The following BCAS3 variants were observed in gnomAD, a reference collection of about 807,000 sequenced individuals.
BCAS3 encodes BCAS4/BCAS3 fusion.
In BCAS3, 53 loss-of-function variants were observed where a neutral mutation model predicts 116.1. The observed-to-expected ratio is 0.46, with a 90% CI of 0.37 to 0.57. The LOEUF (loss-of-function observed/expected upper bound fraction) is 0.57, where lower values mean the gene tolerates loss of function less well. Among genes scored for constraint, BCAS3 ranks in the 20% least tolerant of loss-of-function variants. The pLI, the probability that BCAS3 is intolerant of heterozygous loss-of-function variation, is 0.00. For synonymous variants in BCAS3, 391 were observed against 408.2 expected (o/e 0.96, Z 0.51); for missense variants, 917 against 1,165.4 (o/e 0.79, Z 3.10).
rs746915596 is a variant in BCAS3 at position 61,126,269 on chromosome 17, A to G, written c.2425+41705A>G. Reference sequence around the variant, plus strand: ...TGGCATGTGGGTACATCAGAAGTATATTTGCAAATTCTGAATTTACATATC... The same window carrying G: ...TGGCATGTGGGTACATCAGAAGTATGTTTGCAAATTCTGAATTTACATATC... On this transcript the variant is annotated intron_variant, in intron 22 of 23. Transcript: ENST00000407086. The surrounding 1 kb of genome is among the most constrained non-coding windows in gnomAD (Gnocchi z 4.6). Among the ~76,000 whole-genome samples, 10 of 152,140 alleles carry G rather than the reference A, an allele frequency of 6.6e-5. No individual in the cohort carries two copies. The highest frequency in any genetic ancestry group is 1.2e-4 in the African/African-American group (5 of 41,442).
At position 61,204,596 on chromosome 17, in the gene BCAS3, TATTTCTAGAATATA is replaced by T. The variant is rs2081022503; in HGVS notation, c.2425+120036_2425+120049del. ...CAGAATTTATAGCCCCTTTATTAAA[TATTTCTAGAATATA>T]ATTGCCTCTGAAAACACAGTACCAG... is the stretch of plus-strand genomic sequence containing the variant. On this transcript the variant is annotated intron_variant, in intron 22 of 23. Coordinates refer to ENST00000407086, the MANE Select transcript of BCAS3 (RefSeq NM_017679.5). This position sits in a 1 kb window ranked among gnomAD's most constrained non-coding sequence, Gnocchi z 4.2. 6.6e-6 allele frequency among the ~76,000 whole-genome samples: 1 copy of T among 152,238 alleles called. No homozygotes were observed. Among genetic ancestry groups the T allele is most frequent in the African/African-American group, 2.4e-5 (1 of 41,468 alleles).
chr17:60,729,501 C>T (rs575596872), intron 5 of BCAS3, among the ~76,000 whole-genome samples: 1 of 152,034 alleles, frequency 6.6e-6, no homozygotes, highest in South Asian at 2.1e-4. Flanking sequence ...AGTTGTTCCA[C>T]TCACTGCTTA....
Position 61,035,974 on chromosome 17 carries a change from G to A in BCAS3, c.1762+1184G>A, listed in dbSNP as rs142606200. On this transcript the variant is annotated intron_variant, in intron 17 of 23. Coordinates refer to ENST00000407086, the MANE Select transcript of BCAS3 (RefSeq NM_017679.5). ...CGTTTAATATTTTTGGACTGCAGTT[G>A]ACCATGGGTAACTGAACTCGCACCT... Among the ~76,000 whole-genome samples, 33 of 152,248 alleles carry A rather than the reference G, an allele frequency of 2.2e-4. No homozygotes were observed. In the East Asian group the frequency reaches 6.0e-3, roughly 28 times the overall value.
At chr17:60,946,071 G>T (rs2060476869) in intron 13 of BCAS3, among the ~76,000 whole-genome samples, 1 of 151,636 alleles carries the variant, frequency 6.6e-6, no homozygotes, top group South Asian at 2.1e-4. Flanking sequence ...AGTGGGCGTA[G>T]ATCGCGCCAC....
intron 22 of BCAS3, among the ~76,000 whole-genome samples, chr17:61,201,495 T>C (rs2080812505): frequency 6.6e-6 from 1 of 152,186 alleles, no homozygotes; most frequent in South Asian, 2.1e-4. Flanking sequence ...GTTTGAGTCA[T>C]GTTCATTTAT....
At chr17:60,985,136 G>A (rs546164870) in intron 14 of BCAS3, among the ~76,000 whole-genome samples, 2 of 141,052 alleles carry the variant, frequency 1.4e-5, no homozygotes, top group East Asian at 4.0e-4. Flanking sequence ...CGATTCAACT[G>A]TATTCTTTTT....
intron 22 of BCAS3, among the ~76,000 whole-genome samples, chr17:61,330,458 A>G (rs1367227467): frequency 6.6e-6 from 1 of 152,168 alleles, no homozygotes; most frequent in African/African-American, 2.4e-5. Context: ...TTCACTTTGA[A>G]TTGGCCTGGG....
intron 8 of BCAS3, among the ~76,000 whole-genome samples, chr17:60,873,676 T>A (rs796870188): frequency 6.6e-5 from 10 of 152,346 alleles, no homozygotes; most frequent in African/African-American, 2.4e-4. Context: ...TTTTACAGAT[T>A]GTTAGTGAAT....
rs2058054612 is a variant in BCAS3, at chr17:61,354,743, G to T, written c.2426-13584G>T. ...TCTTGGGTTTAGGTGGTTGAGAGAG[G>T]TGGAAGGTTGACCACACACTCCAAA... On this transcript the variant is annotated intron_variant, in intron 22 of 23. Coordinates refer to ENST00000407086, the MANE Select transcript of BCAS3 (RefSeq NM_017679.5). This position sits in a 1 kb window ranked among gnomAD's most constrained non-coding sequence, Gnocchi z 4.5. 1 of 152,212 alleles carries T rather than the reference G, an allele frequency of 6.6e-6. No individual in the cohort carries two copies. The highest frequency in any genetic ancestry group is 2.1e-4 in the South Asian group (1 of 4,830). The allele number at this position is 152,212 out of a possible 1,614,324, so 9.4% of individuals were successfully genotyped here. A position where few individuals can be genotyped will look rare whatever the true frequency, so the allele number is the denominator to read the frequency against.
chr17:61,074,159 G>A (rs2071720998), intron 19 of BCAS3, among the ~76,000 whole-genome samples: 1 of 150,972 alleles, frequency 6.6e-6, no homozygotes, highest in Non-Finnish European at 1.5e-5. Context: ...GTATGAGGTT[G>A]GGGGGTTATA....
intron 4 of BCAS3, among the ~76,000 whole-genome samples, chr17:60,699,862 C>CAA (rs34153475): frequency 3.4e-4 from 23 of 68,518 alleles, no homozygotes; most frequent in Admixed American, 9.4e-4. Context: ...GACTCCGTCT[C>CAA]AAAAAAAAAA....
At chr17:61,067,271 GTGTATATATATATATATATATATATATA>G (rs1379856374) in intron 19 of BCAS3, among the ~76,000 whole-genome samples, 6 of 55,110 alleles carry the variant, frequency 1.1e-4, no homozygotes, top group African/African-American at 4.5e-4. Flanking sequence ...ATGTGTGTAT[GTGTATATATATATATATATATATATATA>G]TATATATATA....
intron 22 of BCAS3, among the ~76,000 whole-genome samples, chr17:61,210,057 G>C (rs2081365568): frequency 6.6e-6 from 1 of 152,194 alleles, no homozygotes; most frequent in Admixed American, 6.5e-5. Flanking sequence ...AGCCCACGCA[G>C]GGAAGTTCTG....
At chr17:60,734,492 G>T (rs1336069919) in intron 5 of BCAS3, among the ~76,000 whole-genome samples, 3 of 152,140 alleles carry the variant, frequency 2.0e-5, no homozygotes, top group Admixed American at 6.5e-5. Context: ...AATCCATTTG[G>T]AGTTAATTTT....
chr17:61,386,773 G>GTTT (rs59596790), intron 23 of BCAS3, among the ~76,000 whole-genome samples: 14 of 143,284 alleles, frequency 9.8e-5, no homozygotes, highest in African/African-American at 2.8e-4. Flanking sequence ...TTTCCTTACT[G>GTTT]TTTTTTTTTG....
At chr17:61,190,402 C>T (rs2080030468) in intron 22 of BCAS3, among the ~76,000 whole-genome samples, 1 of 151,290 alleles carries the variant, frequency 6.6e-6, no homozygotes, top group Non-Finnish European at 1.5e-5. Flanking sequence ...TTGTGTGCAC[C>T]TGTAATCCCA....
chr17:61,074,048 A>T (rs1601001177), intron 19 of BCAS3, among the ~76,000 whole-genome samples: 1 of 151,242 alleles, frequency 6.6e-6, no homozygotes, highest in Admixed American at 6.6e-5. Flanking sequence ...GTTTGAGGTT[A>T]CAGTGAGCTA....
In BCAS3 at chr17:60,926,044, T is replaced by C. The variant is rs559080504; in HGVS notation, c.1087+1544T>C. On this transcript the variant is annotated intron_variant, in intron 13 of 23. Coordinates refer to ENST00000407086, the MANE Select transcript of BCAS3 (RefSeq NM_017679.5). ...TCCGTTTTAACTGAGACTTTGTACA[T>C]GAGGTCAGGTGTGGATTCTCCAGTT... is the stretch of plus-strand genomic sequence containing the variant. Among the ~76,000 whole-genome samples, 5 of 152,294 alleles carry C rather than the reference T, an allele frequency of 3.3e-5. No homozygotes were observed. In the East Asian group the frequency reaches 9.6e-4, roughly 29 times the overall value.
At position 61,068,425 on chromosome 17, in the gene BCAS3, G is replaced by A. The variant is rs550476894; in HGVS notation, c.2030-6495G>A. ...GTCCCATTTCCCCACCAGATCATTGGCCATTGGTTCATATAGGTCTCTGCA... is the reference window on the plus strand; with the variant it reads ...GTCCCATTTCCCCACCAGATCATTGACCATTGGTTCATATAGGTCTCTGCA... On this transcript the variant is annotated intron_variant, in intron 19 of 23. Transcript: ENST00000407086. This position sits in a 1 kb window ranked among gnomAD's most constrained non-coding sequence, Gnocchi z 4.3. Among the ~76,000 whole-genome samples, 11 of 152,252 alleles carry A rather than the reference G, an allele frequency of 7.2e-5. No homozygotes were observed. Among genetic ancestry groups the A allele is most frequent in the African/African-American group, 2.6e-4 (11 of 41,558 alleles).
Sources: allele counts gnomAD v4.1 joint callset (sites outside exome capture counted in the v4.1 genomes callset), GRCh38; gene constraint gnomAD v4.1.1; non-coding constraint Gnocchi (gnomAD v3.1); transcripts MANE v1.5; gene names NCBI Gene and HGNC (gene_info 2026-07-23, HGNC 2026-07-21).